ANKRD44: variants seen among roughly 807,000 people sequenced by gnomAD.
ANKRD44 encodes serine/threonine-protein phosphatase 6 regulatory ankyrin repeat subunit B.
ANKRD44 carries 35 observed loss-of-function variants against 116.0 expected under a neutral mutation model. The ratio of observed to expected loss-of-function variants is 0.30; its 90% CI spans 0.23 to 0.40. The LOEUF is 0.40. Ranked by LOEUF, ANKRD44 falls within the 10% of genes least tolerant of loss-of-function variation. ANKRD44 has a pLI of 1.00. For synonymous variants in ANKRD44, 435 were observed against 461.8 expected, an observed-to-expected ratio of 0.94 and a Z score of 0.74; for missense variants, 1,014 against 1,242.6, an observed-to-expected ratio of 0.82 and a Z score of 2.77.
chr2:197,086,036 G>T (rs1318666632), intron 13 of ANKRD44, among the ~76,000 whole-genome samples: 1 of 152,040 alleles, frequency 6.6e-6, no homozygotes. Context: ...TCACTGACAT[G>T]AATCTGAAAG....
intron 1 of ANKRD44, among the ~76,000 whole-genome samples, chr2:197,232,316 T>C (rs1169189143): frequency 3.3e-5 from 5 of 152,192 alleles, no homozygotes; most frequent in Non-Finnish European, 7.3e-5. Flanking sequence ...CCAGCTCCAA[T>C]AACATGGCAC....
intron 1 of ANKRD44, among the ~76,000 whole-genome samples, chr2:197,265,826 GTTT>G (rs1162934067): frequency 6.6e-6 from 1 of 152,000 alleles, no homozygotes; most frequent in Non-Finnish European, 1.5e-5. Flanking sequence ...AAAAAGGAAC[GTTT>G]TTAATAATAT....
chr2:197,125,981 G>A lies in ANKRD44; in HGVS notation c.318C>T (p.Asn106=). The change falls in exon 5 of 28, where the codon AAC becomes AAT. Residue 106 remains asparagine, a synonymous_variant. Coordinates refer to ENST00000282272, the MANE Select transcript of ANKRD44 (RefSeq NM_001195144.2). ...HSADVNARDK[N]WQTPLHVAAA... ...CTGCCACATGAAGAGGGGTCTGCCAGTTCTTGTCCCTTGCATTGACATCAG... is the reference window on the plus strand; with the variant it reads ...CTGCCACATGAAGAGGGGTCTGCCAATTCTTGTCCCTTGCATTGACATCAG... 1.2e-6 allele frequency: 2 copies of A among 1,614,252 alleles called. No homozygotes were observed. The highest frequency in any genetic ancestry group is 1.7e-6 in the Non-Finnish European group (2 of 1,180,058).
chr2:197,157,660 AGAGT>A (rs2079854789), intron 2 of ANKRD44, among the ~76,000 whole-genome samples: 1 of 134,154 alleles, frequency 7.5e-6, no homozygotes, highest in Admixed American at 8.9e-5. Context: ...CCTGGCCGAC[AGAGT>A]GAGACTCTGT....
chr2:197,186,612 CTTTTTTTTTTTTTTTTT>C (rs149107038), intron 2 of ANKRD44, among the ~76,000 whole-genome samples: 29 of 50,808 alleles, frequency 5.7e-4, no homozygotes, highest in Admixed American at 1.5e-3. Context: ...GCTAATTTTT[CTTTTTTTTTTTTTTTTT>C]TTTTTTTTTT....
intron 10 of ANKRD44, among the ~76,000 whole-genome samples, chr2:197,098,726 C>T (rs1159699142): frequency 6.6e-6 from 1 of 152,126 alleles, no homozygotes; most frequent in African/African-American, 2.4e-5. Flanking sequence ...ATAGATCTTA[C>T]CAGATACCAA....
intron 1 of ANKRD44, among the ~76,000 whole-genome samples, chr2:197,286,726 G>A (rs1328869694): frequency 2.0e-5 from 3 of 151,490 alleles, no homozygotes; most frequent in East Asian, 1.9e-4. Context: ...GAAACTGTAC[G>A]AATTGGTTTC....
chr2:196,992,077 A>T (rs941713094), intron 27 of ANKRD44, among the ~76,000 whole-genome samples: 2 of 152,214 alleles, frequency 1.3e-5, no homozygotes, highest in Admixed American at 6.5e-5. Context: ...AGGTAGATTA[A>T]GTCTTTGACT....
At chr2:197,150,314 T>G (rs935744862) in intron 2 of ANKRD44, among the ~76,000 whole-genome samples, 3 of 152,036 alleles carry the variant, frequency 2.0e-5, no homozygotes, top group Non-Finnish European at 4.4e-5. Context: ...TTTGGGAGGC[T>G]GAGGTGGGCG....
chr2:197,273,866 C>T (rs886584263), intron 1 of ANKRD44, among the ~76,000 whole-genome samples: 1 of 149,914 alleles, frequency 6.7e-6, no homozygotes, highest in Non-Finnish European at 1.5e-5. Context: ...AAATTAATTC[C>T]TTAAGCTGAT....
intron 1 of ANKRD44, among the ~76,000 whole-genome samples, chr2:197,267,737 G>C (rs1247034307): frequency 2.0e-5 from 3 of 152,198 alleles, no homozygotes; most frequent in African/African-American, 7.2e-5. Flanking sequence ...GCTAGAGTAG[G>C]GTTGTCCAAG....
chr2:197,310,696 A>G lies in ANKRD44; in HGVS notation c.-92T>C. ...GGAAGCGGAAGGGATTGCCAGGAGA[A>G]GGGAAAAAATCTGGCTCCCGAATTT... On this transcript the variant is annotated 5_prime_UTR_variant, in exon 1 of 28. Transcript: ENST00000282272. The G allele has an allele frequency of 1.6e-6, 2 of 1,235,806 alleles. No homozygotes were observed. Among genetic ancestry groups the G allele is most frequent in the East Asian group, 4.7e-5 (1 of 21,092 alleles). 76.6% of individuals were successfully genotyped at this position (1,235,806 alleles called of 1,614,324 possible).
At chr2:197,105,730 C>T (rs2078409947) in intron 9 of ANKRD44, among the ~76,000 whole-genome samples, 1 of 152,194 alleles carries the variant, frequency 6.6e-6, no homozygotes, top group African/African-American at 2.4e-5. Flanking sequence ...CAATTGAGAT[C>T]AATTCATTTT....
At chr2:197,257,428 T>TATAAAAC (rs1366050824) in intron 1 of ANKRD44, among the ~76,000 whole-genome samples, 2 of 152,144 alleles carry the variant, frequency 1.3e-5, no homozygotes, top group African/African-American at 4.8e-5. Flanking sequence ...GTCAGCTTTT[T>TATAAAAC]AGTGATTATT....
At chr2:197,300,758 C>CTTTTTTT (rs112803787) in intron 1 of ANKRD44, among the ~76,000 whole-genome samples, 5 of 122,742 alleles carry the variant, frequency 4.1e-5, no homozygotes, top group Non-Finnish European at 5.1e-5. Context: ...TTTCATTTTC[C>CTTTTTTT]TTTTTTTTTT....
rs914159304 is a variant in ANKRD44, at chr2:197,122,734, A to G, written c.609T>C (p.Asp203=). ...INHGAEVTCK[D]KKGYTPLHAA... ...CATGCAGAGGGGTATAACCCTTCTTATCCTTACAGGTCACTTCTGCGCCAT... is the reference window on the plus strand; with the variant it reads ...CATGCAGAGGGGTATAACCCTTCTTGTCCTTACAGGTCACTTCTGCGCCAT... The change falls in exon 7 of 28, where the codon GAT becomes GAC. Residue 203 remains aspartate, a synonymous_variant. Transcript: ENST00000282272. 6.2e-7 allele frequency: 1 copy of G among 1,614,124 alleles called. No homozygotes were observed. Among genetic ancestry groups the G allele is most frequent in the Non-Finnish European group, 8.5e-7 (1 of 1,180,046 alleles).
rs368196906 is a variant in ANKRD44 at position 197,308,152 on chromosome 2, G to GAC, written c.27+2424_27+2425dup. Among the ~76,000 whole-genome samples the GAC allele has an allele frequency of 2.4e-3, 351 of 143,912 alleles. 1 individual carries two copies. Among genetic ancestry groups the GAC allele is most frequent in the African/African-American group, 7.1e-3 (267 of 37,674 alleles). The allele number at this position is 143,912 out of a possible 152,430, so 94.4% of individuals were successfully genotyped here. ...TACTATCGAGTCAGAGTGAGACCCT[G>GAC]ACACACACACACACACACACAAAAA... On this transcript the variant is annotated intron_variant, in intron 1 of 27. Coordinates refer to ENST00000282272, the MANE Select transcript of ANKRD44 (RefSeq NM_001195144.2).
At chr2:197,132,449 C>T (rs1018479612) in intron 4 of ANKRD44, among the ~76,000 whole-genome samples, 3 of 152,154 alleles carry the variant, frequency 2.0e-5, no homozygotes, top group Non-Finnish European at 4.4e-5. Flanking sequence ...ACCCTTATTG[C>T]TTAACATACT....
At chr2:197,148,954 A>G (rs2079572860) in intron 2 of ANKRD44, among the ~76,000 whole-genome samples, 1 of 152,252 alleles carries the variant, frequency 6.6e-6, no homozygotes, top group South Asian at 2.1e-4. Context: ...ATTTGAAATC[A>G]TGTTAGCTTA....
Sources: allele counts gnomAD v4.1 joint callset (sites outside exome capture counted in the v4.1 genomes callset), GRCh38; gene constraint gnomAD v4.1.1; transcripts MANE v1.5; gene names NCBI Gene and HGNC (gene_info 2026-07-23, HGNC 2026-07-21).